UEVLD: variants seen among roughly 807,000 people sequenced by gnomAD.
UEVLD encodes the protein UEV and lactate/malate dehyrogenase domains, also known as ubiquitin-conjugating enzyme E2 variant 3.
A neutral mutation model predicts 58.6 loss-of-function variants in UEVLD; 47 were observed. The observed-to-expected ratio is 0.80, with a 90% CI of 0.63 to 1.02. The LOEUF (loss-of-function observed/expected upper bound fraction) is 1.02, where lower values mean the gene tolerates loss of function less well. Ranked by LOEUF, UEVLD falls within the 50% of genes least tolerant of loss-of-function variation. The probability of loss-of-function intolerance (pLI) is 0.00; values close to 1 mark genes in which losing one functional copy is unlikely to be tolerated. For synonymous variants in UEVLD, 197 were observed against 195.3 expected, an observed-to-expected ratio of 1.01 and a Z score of -0.07; for missense variants, 510 against 550.6, an observed-to-expected ratio of 0.93 and a Z score of 0.74.
At chr11:18,537,030 G>A (rs1194302297) in intron 9 of UEVLD, among the ~76,000 whole-genome samples, 1 of 151,418 alleles carries the variant, frequency 6.6e-6, no homozygotes. Flanking sequence ...CGAGTAGCTG[G>A]TACTACAGGC....
chr11:18,570,024 A>G (rs11024717), intron 4 of UEVLD, 190 bp downstream of exon 4: 200,922 of 509,320 alleles, frequency 0.39, 43,639 homozygotes, highest in Non-Finnish European at 0.46. Flanking sequence ...AGCTTTGTAC[A>G]GGCAGTTGTC....
At chr11:18,549,843 T>C (rs1196649921) in intron 7 of UEVLD, among the ~76,000 whole-genome samples, 18 of 151,106 alleles carry the variant, frequency 1.2e-4, no homozygotes, top group Non-Finnish European at 1.5e-5. Flanking sequence ...TTTTTTGAGA[T>C]GGAGTTTTGC....
rs1247042814 is a variant in UEVLD, at chr11:18,588,678, T to C, written c.-24A>G. On this transcript the variant is annotated 5_prime_UTR_variant, in exon 1 of 12. Transcript: ENST00000396197. ...ATCTCCAGGCCGGTCCCGAGCTAGGTCCCAGGACTCCAGCCCCCGGACCTT... is the reference window on the plus strand; with the variant it reads ...ATCTCCAGGCCGGTCCCGAGCTAGGCCCCAGGACTCCAGCCCCCGGACCTT... 1 of 1,605,714 alleles carries C rather than the reference T, an allele frequency of 6.2e-7. No homozygotes were observed.
chr11:18,534,077 T>C, intron 11 of UEVLD, among the ~76,000 whole-genome samples: 1 of 152,102 alleles, frequency 6.6e-6, no homozygotes, highest in Non-Finnish European at 1.5e-5. Context: ...GCCTACTGAG[T>C]GGTTGTCACA....
intron 7 of UEVLD, among the ~76,000 whole-genome samples, chr11:18,553,325 CAA>C (rs546653858): frequency 7.2e-5 from 7 of 97,638 alleles, no homozygotes; most frequent in Non-Finnish European, 8.5e-5. Context: ...GACTCTGTCT[CAA>C]AAAAAAAAAA....
chr11:18,558,390 T>A, intron 6 of UEVLD, 60 bp from the exon 7 acceptor site: 2 of 1,190,090 alleles, frequency 1.7e-6, no homozygotes, highest in Non-Finnish European at 2.4e-6. Flanking sequence ...TTTAAATTCA[T>A]TCAACAATGA....
intron 1 of UEVLD, among the ~76,000 whole-genome samples, chr11:18,579,933 T>C (rs774718220): frequency 1.5e-4 from 23 of 151,494 alleles, no homozygotes; most frequent in Non-Finnish European, 2.8e-4. Flanking sequence ...TAGACCAAAG[T>C]AAATGGAAAG....
intron 6 of UEVLD, among the ~76,000 whole-genome samples, chr11:18,560,089 C>CCACACACACACACACA (rs1565125324): frequency 2.9e-5 from 1 of 34,176 alleles, no homozygotes; most frequent in African/African-American, 7.5e-5. Context: ...AACCCCGTCT[C>CCACACACACACACACA]TACACACACA....
chr11:18,565,064 AGGATCTTT>A, intron 5 of UEVLD, 54 bp from the exon 6 acceptor site: 1 of 1,367,510 alleles, frequency 7.3e-7, no homozygotes, highest in Non-Finnish European at 1.0e-6. Context: ...GAATTTTTTT[AGGATCTTT>A]AAAAAAAATA....
At chr11:18,536,257 A>G in intron 10 of UEVLD, 149 bp downstream of exon 10, 2 of 701,314 alleles carry the variant, frequency 2.9e-6, no homozygotes, top group Non-Finnish European at 4.9e-6. Context: ...AAATCAAAGA[A>G]TATAAAACAC....
chr11:18,554,392 ATTTT>A (rs34857682), intron 7 of UEVLD, among the ~76,000 whole-genome samples: 2 of 107,546 alleles, frequency 1.9e-5, no homozygotes, highest in Non-Finnish European at 3.5e-5. Context: ...GTGCCTGGCC[ATTTT>A]TTTTTTTTTT....
rs1413209657 is a variant in UEVLD at position 18,545,028 on chromosome 11, ATG to A, written c.887-234_887-233del. ...CACGTATGTATATATACGTGTATAT[ATG>A]TGTGTGTATATCTATCTATATCTAT... On this transcript the variant is annotated intron_variant, in intron 8 of 11. Coordinates refer to ENST00000396197, the MANE Select transcript of UEVLD (RefSeq NM_001040697.4). 2.0e-5 allele frequency among the ~76,000 whole-genome samples: 3 copies of A among 146,576 alleles called. 1 individual carries two copies. The highest frequency in any genetic ancestry group is 6.7e-3 in the Middle Eastern group (2 of 298).
intron 7 of UEVLD, among the ~76,000 whole-genome samples, chr11:18,557,036 G>C (rs992817509): frequency 6.7e-6 from 1 of 148,244 alleles, no homozygotes; most frequent in Non-Finnish European, 1.5e-5. Flanking sequence ...AGGTTCCAGT[G>C]AGCTGAATCA....
chr11:18,563,937 G>A (rs1852163094), intron 6 of UEVLD: 4 of 242,144 alleles, frequency 1.7e-5, no homozygotes, highest in South Asian at 4.6e-5. Context: ...CCCAGGAGGC[G>A]GAGGCTGTAG....
chr11:18,576,382 A>G (rs1852911728), intron 2 of UEVLD, among the ~76,000 whole-genome samples: 2 of 151,786 alleles, frequency 1.3e-5, no homozygotes, highest in Non-Finnish European at 2.9e-5. Flanking sequence ...ATGAAACCCC[A>G]TCTCTATCAG....
intron 7 of UEVLD, among the ~76,000 whole-genome samples, chr11:18,552,163 G>A (rs760448889): frequency 9.9e-5 from 15 of 152,124 alleles, no homozygotes; most frequent in Non-Finnish European, 2.1e-4. Flanking sequence ...TATTTAATAT[G>A]ACCCAAAATT....
intron 3 of UEVLD, among the ~76,000 whole-genome samples, chr11:18,572,019 G>T (rs573737370): frequency 1.3e-5 from 2 of 151,702 alleles, no homozygotes; most frequent in African/African-American, 4.8e-5. Context: ...GACAGATCAC[G>T]AGATCAGGAG....
intron 6 of UEVLD, among the ~76,000 whole-genome samples, chr11:18,558,596 C>T (rs1011746725): frequency 6.6e-6 from 1 of 151,918 alleles, no homozygotes; most frequent in African/African-American, 2.4e-5. Context: ...CCAGCCTGGC[C>T]AACATGGCGA....
intron 2 of UEVLD, among the ~76,000 whole-genome samples, chr11:18,575,819 G>A (rs1287883062): frequency 6.7e-6 from 1 of 149,944 alleles, no homozygotes; most frequent in Non-Finnish European, 1.5e-5. Flanking sequence ...ACTATAATAT[G>A]TGGGGCCATT....
Sources: allele counts gnomAD v4.1 joint callset (sites outside exome capture counted in the v4.1 genomes callset), GRCh38; gene constraint gnomAD v4.1.1; transcripts MANE v1.5; gene names NCBI Gene and HGNC (gene_info 2026-07-23, HGNC 2026-07-21).